GOLGA1: variants seen among roughly 807,000 people sequenced by gnomAD.
GOLGA1 encodes golgin subfamily A member 1.
In GOLGA1, 63 loss-of-function variants were observed where a neutral mutation model predicts 119.7. The observed-to-expected ratio is 0.53, with a 90% confidence interval of 0.43 to 0.65. GOLGA1 has a LOEUF of 0.65. GOLGA1 is among the 30% of genes least tolerant of loss of function. The pLI is 0.00. For synonymous variants in GOLGA1, 318 were observed against 333.4 expected, an observed-to-expected ratio of 0.95 and a Z score of 0.50; for missense variants, 798 against 912.8, an observed-to-expected ratio of 0.87 and a Z score of 1.62.
chr9:124,889,031 G>T, intron 18 of GOLGA1, 112 bp downstream of exon 18: 2 of 795,786 alleles, frequency 2.5e-6, no homozygotes, highest in Middle Eastern at 3.8e-4. Context: ...GACCCTACAT[G>T]CAGGGGAGCG....
At position 124,938,082 on chromosome 9, in the gene GOLGA1, CAAAAAAA is replaced by C. The variant is rs200357362; in HGVS notation, c.135+488_135+494del. On this transcript the variant is annotated intron_variant, in intron 3 of 22. Coordinates refer to ENST00000373555, the MANE Select transcript of GOLGA1 (RefSeq NM_002077.4). ...TGGGCTACAGAGCGAGAATCCATCT[CAAAAAAA>C]AAAAAAAAAGAAAGAAAAAAGAAAA... Among the ~76,000 whole-genome samples the C allele has an allele frequency of 4.5e-5, 3 of 66,114 alleles. No homozygotes were observed. In the East Asian group the frequency reaches 9.8e-4, roughly 22 times the overall value. The allele number at this position is 66,114 out of a possible 152,430, so 43.4% of individuals were successfully genotyped here.
At chr9:124,913,146 T>G (rs1830372478) in intron 10 of GOLGA1, among the ~76,000 whole-genome samples, 1 of 152,026 alleles carries the variant, frequency 6.6e-6, no homozygotes, top group Non-Finnish European at 1.5e-5. Context: ...TGTAAAACCA[T>G]CAGCTCTCAT....
At position 124,880,517 on chromosome 9, in the gene GOLGA1, TG is replaced by T; in HGVS notation, c.*12del. 1 of 1,488,216 alleles carries T rather than the reference TG, an allele frequency of 6.7e-7. No individual in the cohort carries two copies. The highest frequency in any genetic ancestry group is 9.4e-7 in the Non-Finnish European group (1 of 1,065,406). 92.2% of individuals were successfully genotyped at this position (1,488,216 alleles called of 1,614,324 possible). ...GTGTCAACCCACGGAGCTCCATCCT[TG>T]GGTAGTCCCCTCTAGGACCATGGTA... On this transcript the variant is annotated 3_prime_UTR_variant, in exon 23 of 23. Coordinates refer to ENST00000373555, the MANE Select transcript of GOLGA1 (RefSeq NM_002077.4).
chr9:124,929,060 TATC>T (rs1830723710), intron 5 of GOLGA1, among the ~76,000 whole-genome samples, 153 bp downstream of exon 5: 1 of 152,210 alleles, frequency 6.6e-6, no homozygotes, highest in African/African-American at 2.4e-5. Flanking sequence ...TACTTATAAA[TATC>T]ATCCAAATGT....
At chr9:124,886,299 A>G (rs1186341456) in intron 19 of GOLGA1, among the ~76,000 whole-genome samples, 1 of 152,162 alleles carries the variant, frequency 6.6e-6, no homozygotes, top group Non-Finnish European at 1.5e-5. Flanking sequence ...GCCCTTGTGC[A>G]CGGCGGGTGG....
chr9:124,921,044 G>A, intron 10 of GOLGA1, 85 bp downstream of exon 10: 2 of 821,382 alleles, frequency 2.4e-6, no homozygotes, highest in Non-Finnish European at 4.3e-6. Context: ...TGTATGTTCA[G>A]TAGCTACTCT....
intron 15 of GOLGA1, among the ~76,000 whole-genome samples, chr9:124,891,774 A>G (rs141348395): frequency 0.017 from 2,549 of 151,078 alleles, 75 homozygotes; most frequent in African/African-American, 0.06. Context: ...CCTCCCGAGT[A>G]GCTGGGACTA....
At position 124,881,671 on chromosome 9, in the gene GOLGA1, C is replaced by T. The variant is rs184763592; in HGVS notation, c.2136+113G>A. The T allele has an allele frequency of 1.3e-4, 96 of 762,210 alleles. No individual in the cohort carries two copies. The highest frequency in any genetic ancestry group is 1.1e-3 in the Middle Eastern group (4 of 3,652). The allele number at this position is 762,210 out of a possible 1,614,324, so 47.2% of individuals were successfully genotyped here. A position where few individuals can be genotyped will look rare whatever the true frequency, so the allele number is the denominator to read the frequency against. On this transcript the variant is annotated intron_variant, in intron 21 of 22. Coordinates refer to ENST00000373555, the MANE Select transcript of GOLGA1 (RefSeq NM_002077.4). This position sits in a 1 kb window ranked among gnomAD's most constrained non-coding sequence, Gnocchi z 4.9. ...AGAAATGACTGGGTGACCACAAGGG[C>T]GTCAAACCAGGATGTACGAGGAAAA...
chr9:124,894,377 GTT>G (rs935277754), intron 15 of GOLGA1, among the ~76,000 whole-genome samples: 17 of 125,878 alleles, frequency 1.4e-4, no homozygotes, highest in Non-Finnish European at 2.1e-4. Flanking sequence ...CTAATTTAAA[GTT>G]TTGTGTGTGT....
intron 13 of GOLGA1, 69 bp from the exon 14 acceptor site, chr9:124,899,547 C>T (rs1217959302): frequency 6.9e-7 from 1 of 1,440,506 alleles, no homozygotes; most frequent in African/African-American, 1.4e-5. Context: ...TAGTCTGGCC[C>T]TAGGTGAGAA....
intron 3 of GOLGA1, among the ~76,000 whole-genome samples, chr9:124,938,091 A>G (rs946468493): frequency 1.3e-5 from 2 of 151,900 alleles, no homozygotes; most frequent in African/African-American, 4.8e-5. Flanking sequence ...TCAAAAAAAA[A>G]AAAAAAAGAA....
chr9:124,909,120 G>A (rs564844955), intron 11 of GOLGA1, among the ~76,000 whole-genome samples: 83 of 152,010 alleles, frequency 5.5e-4, no homozygotes, highest in African/African-American at 1.8e-3. Flanking sequence ...GACCAGCCTG[G>A]CTAACGTGGT....
At chr9:124,909,552 T>C (rs1246243873) in intron 11 of GOLGA1, among the ~76,000 whole-genome samples, 5 of 142,344 alleles carry the variant, frequency 3.5e-5, no homozygotes, top group Non-Finnish European at 7.5e-5. Flanking sequence ...GAGGTTGCAG[T>C]GAGCCGAGAT....
chr9:124,904,883 G>T (rs1830189417), intron 12 of GOLGA1, among the ~76,000 whole-genome samples: 1 of 149,946 alleles, frequency 6.7e-6, no homozygotes, highest in South Asian at 2.1e-4. Context: ...GGCAGAGAGA[G>T]CAGTGAGCCA....
Position 124,881,098 on chromosome 9 carries a change from G to A in GOLGA1, c.2223+73C>T, listed in dbSNP as rs1198154450. 3.6e-6 allele frequency: 3 copies of A among 844,952 alleles called. No individual in the cohort carries two copies. Among genetic ancestry groups the A allele is most frequent in the Non-Finnish European group, 4.2e-6 (2 of 477,828 alleles). The allele number at this position is 844,952 out of a possible 1,614,324, so 52.3% of individuals were successfully genotyped here. A position where few individuals can be genotyped will look rare whatever the true frequency, so the allele number is the denominator to read the frequency against. ...CTACACTCGGGTGTGGGTCTAAGGGGTCTTACACTGCTACTGCTGGGATAA... is the reference window on the plus strand; with the variant it reads ...CTACACTCGGGTGTGGGTCTAAGGGATCTTACACTGCTACTGCTGGGATAA... On this transcript the variant is annotated intron_variant, in intron 22 of 22. Transcript: ENST00000373555. This position sits in a 1 kb window ranked among gnomAD's most constrained non-coding sequence, Gnocchi z 4.9.
intron 19 of GOLGA1, among the ~76,000 whole-genome samples, chr9:124,885,033 A>G (rs900556834): frequency 6.6e-6 from 1 of 152,194 alleles, no homozygotes; most frequent in Non-Finnish European, 1.5e-5. Context: ...CGTCTCTACT[A>G]AAAATACAAA....
At position 124,889,167 on chromosome 9, in the gene GOLGA1, T is replaced by C; in HGVS notation, c.1737A>G (p.Glu579=). Residue 579 remains glutamate, a synonymous_variant, in exon 18 of 23, where the codon GAA becomes GAG. Coordinates refer to ENST00000373555, the MANE Select transcript of GOLGA1 (RefSeq NM_002077.4). The part of the protein sequence containing the change: ...LLRLRGPLQA[E]ALSVNESHVT... Reference sequence around the variant, plus strand: ...CGTGCGACTCATTGACTGAGAGTGCTTCGGCCTGCAATGGGCCCCGCAGCC... The same window carrying C: ...CGTGCGACTCATTGACTGAGAGTGCCTCGGCCTGCAATGGGCCCCGCAGCC... 6.2e-7 allele frequency: 1 copy of C among 1,611,652 alleles called. No homozygotes were observed. The highest frequency in any genetic ancestry group is 8.5e-7 in the Non-Finnish European group (1 of 1,179,596).
At chr9:124,913,899 G>T (rs1438718006) in intron 10 of GOLGA1, among the ~76,000 whole-genome samples, 1 of 152,188 alleles carries the variant, frequency 6.6e-6, no homozygotes, top group Non-Finnish European at 1.5e-5. Context: ...CAATCATTCT[G>T]CATAAAGGGC....
intron 9 of GOLGA1, among the ~76,000 whole-genome samples, 162 bp from the exon 10 acceptor site, chr9:124,921,402 G>T (rs1830567189): frequency 6.6e-6 from 1 of 152,150 alleles, no homozygotes. Flanking sequence ...CTCTGAAGCA[G>T]GAGCCCAAAG....
Sources: allele counts gnomAD v4.1 joint callset (sites outside exome capture counted in the v4.1 genomes callset), GRCh38; gene constraint gnomAD v4.1.1; non-coding constraint Gnocchi (gnomAD v3.1); transcripts MANE v1.5; gene names NCBI Gene and HGNC (gene_info 2026-07-23, HGNC 2026-07-21).